TTC7B: variants seen among roughly 807,000 people sequenced by gnomAD.
TTC7B encodes the protein tetratricopeptide repeat domain 7B.
In TTC7B, 28 loss-of-function variants were observed where a neutral mutation model predicts 106.8. The ratio of observed to expected loss-of-function variants is 0.26; its 90% confidence interval spans 0.19 to 0.36. TTC7B has a LOEUF of 0.36. Among genes scored for constraint, TTC7B ranks in the 10% least tolerant of loss-of-function variants. The pLI is 1.00. For missense variants in TTC7B, 862 were observed against 1,076.4 expected (o/e 0.80, Z 2.79); for synonymous variants, 405 against 430.6 (o/e 0.94, Z 0.74).
At chr14:90,785,890 G>A (rs896455929) in intron 2 of TTC7B, among the ~76,000 whole-genome samples, 11 of 152,148 alleles carry the variant, frequency 7.2e-5, no homozygotes, top group African/African-American at 2.7e-4. Flanking sequence ...GGGTTATATC[G>A]GATAGCTTTA....
intron 5 of TTC7B, chr14:90,699,063 C>A: frequency 2.4e-6 from 1 of 413,372 alleles, no homozygotes; most frequent in South Asian, 1.8e-5. Context: ...TCTCGACCCT[C>A]TGTCCTGGCG....
At chr14:90,596,752 A>G (rs538165079) in intron 17 of TTC7B, among the ~76,000 whole-genome samples, 61 of 152,216 alleles carry the variant, frequency 4.0e-4, no homozygotes, top group Non-Finnish European at 6.8e-4. Context: ...GGTCTAGAAG[A>G]TGCGAACTAC....
At chr14:90,598,261 G>A (rs76392797) in intron 17 of TTC7B, among the ~76,000 whole-genome samples, 62 of 152,326 alleles carry the variant, frequency 4.1e-4, no homozygotes, top group African/African-American at 1.4e-3. Flanking sequence ...GTCGTCAAAC[G>A]GCCCGAATGG....
At position 90,802,411 on chromosome 14, in the gene TTC7B, A is replaced by G. The variant is rs2140057746; in HGVS notation, c.121+13764T>C. ...GAGGGTGAGAACGGAAGGGATTCTG[A>G]GCACAGGTGAAGGAGCCGCTGGCCT... is the stretch of plus-strand genomic sequence containing the variant. On this transcript the variant is annotated intron_variant, in intron 1 of 19. Transcript: ENST00000328459. This position sits in a 1 kb window ranked among gnomAD's most constrained non-coding sequence, Gnocchi z 4.7. 6.6e-6 allele frequency among the ~76,000 whole-genome samples: 1 copy of G among 152,216 alleles called. No homozygotes were observed. The highest frequency in any genetic ancestry group is 2.1e-4 in the South Asian group (1 of 4,830).
At chr14:90,694,288 C>T (rs902524727) in intron 6 of TTC7B, among the ~76,000 whole-genome samples, 1 of 151,962 alleles carries the variant, frequency 6.6e-6, no homozygotes, top group African/African-American at 2.4e-5. Flanking sequence ...ATAGCAAATG[C>T]CCCAAATAGG....
chr14:90,648,540 C>G (rs1248035201), intron 13 of TTC7B: 3 of 151,996 alleles, frequency 2.0e-5, no homozygotes, highest in Non-Finnish European at 4.4e-5. Context: ...TTTGTAGACC[C>G]GGGGTTTCAA....
At chr14:90,736,152 A>C (rs1203743581) in intron 4 of TTC7B, among the ~76,000 whole-genome samples, 1 of 148,690 alleles carries the variant, frequency 6.7e-6, no homozygotes, top group East Asian at 1.9e-4. Context: ...ATTTAGAGCT[A>C]TATATATATA....
At chr14:90,643,409 A>G (rs1474389809) in intron 15 of TTC7B, among the ~76,000 whole-genome samples, 2 of 150,174 alleles carry the variant, frequency 1.3e-5, no homozygotes, top group East Asian at 1.9e-4. Flanking sequence ...TTCCGTCTCA[A>G]AAAAAAAAAG....
At chr14:90,796,899 G>A (rs112960778) in intron 1 of TTC7B, among the ~76,000 whole-genome samples, 6,400 of 150,700 alleles carry the variant, frequency 0.042, 184 homozygotes, top group Non-Finnish European at 0.058. Flanking sequence ...CCAGGCTGGA[G>A]TGCAGTGGCA....
intron 19 of TTC7B, among the ~76,000 whole-genome samples, chr14:90,564,400 G>A (rs1353052092): frequency 6.6e-6 from 1 of 152,098 alleles, no homozygotes; most frequent in Non-Finnish European, 1.5e-5. Context: ...CAGAGCACAG[G>A]CAGAGTCAAT....
chr14:90,665,079 G>A (rs892071161), intron 9 of TTC7B, among the ~76,000 whole-genome samples: 2 of 152,102 alleles, frequency 1.3e-5, no homozygotes, highest in African/African-American at 4.8e-5. Flanking sequence ...TGTGGGCCTA[G>A]GAAGGGAAGT....
chr14:90,626,627 CAGA>C (rs1259797661), intron 15 of TTC7B, among the ~76,000 whole-genome samples: 3 of 152,186 alleles, frequency 2.0e-5, no homozygotes, highest in Non-Finnish European at 4.4e-5. Context: ...GTGCGATGAC[CAGA>C]AGTTCAGCAA....
chr14:90,718,077 C>T (rs1459091194), intron 5 of TTC7B, among the ~76,000 whole-genome samples: 2 of 152,266 alleles, frequency 1.3e-5, no homozygotes, highest in African/African-American at 4.8e-5. Context: ...AGAGGCCACA[C>T]TTAAACTCTC....
At chr14:90,779,662 C>T (rs1380680323) in intron 3 of TTC7B, among the ~76,000 whole-genome samples, 2 of 152,194 alleles carry the variant, frequency 1.3e-5, no homozygotes, top group African/African-American at 2.4e-5. Context: ...ACAATCAATG[C>T]TTTACATACA....
At chr14:90,544,484 CTCCCAGGATGGTGCTCT>C (rs1193575201) in intron 19 of TTC7B, among the ~76,000 whole-genome samples, 11 of 152,320 alleles carry the variant, frequency 7.2e-5, no homozygotes, top group African/African-American at 2.4e-4. Context: ...TCACGTCCAT[CTCCCAGGATGGTGCTCT>C]GGACCACCTT....
chr14:90,655,388 T>A (rs1225577632), intron 11 of TTC7B, among the ~76,000 whole-genome samples: 2 of 152,254 alleles, frequency 1.3e-5, no homozygotes, highest in East Asian at 3.8e-4. Flanking sequence ...ATCTTTTTCA[T>A]CTTTATTTTT....
At chr14:90,625,527 C>T (rs1430906678) in intron 15 of TTC7B, among the ~76,000 whole-genome samples, 2 of 152,226 alleles carry the variant, frequency 1.3e-5, no homozygotes, top group Non-Finnish European at 2.9e-5. Context: ...AAACAGCAGC[C>T]TCTGGTCCCA....
intron 3 of TTC7B, among the ~76,000 whole-genome samples, chr14:90,745,699 T>C (rs1446858211): frequency 1.3e-5 from 2 of 151,904 alleles, no homozygotes; most frequent in Non-Finnish European, 2.9e-5. Flanking sequence ...CCTTCAATTT[T>C]TGTTTTTCTT....
intron 15 of TTC7B, among the ~76,000 whole-genome samples, chr14:90,637,704 T>C (rs1885003802): frequency 6.6e-6 from 1 of 152,198 alleles, no homozygotes; most frequent in African/African-American, 2.4e-5. Flanking sequence ...GAGTTTAACA[T>C]TTAAAAATAT....
Sources: allele counts gnomAD v4.1 joint callset (sites outside exome capture counted in the v4.1 genomes callset), GRCh38; gene constraint gnomAD v4.1.1; non-coding constraint Gnocchi (gnomAD v3.1); transcripts MANE v1.5; gene names NCBI Gene and HGNC (gene_info 2026-07-23, HGNC 2026-07-21).